Variants in TRABD2B observed in about 807,000 individuals in gnomAD.
The protein encoded by TRABD2B is TraB domain containing 2B, also known as metalloprotease TIKI2.
TRABD2B carries 14 observed loss-of-function variants against 40.1 expected under a neutral mutation model. That is an observed-to-expected ratio of 0.35 (90% CI 0.23 to 0.55). The LOEUF (loss-of-function observed/expected upper bound fraction) is 0.55. Ranked by LOEUF, TRABD2B falls within the 20% of genes least tolerant of loss-of-function variation. The pLI is 0.90. For missense variants in TRABD2B, 541 were observed against 648.6 expected, an observed-to-expected ratio of 0.83 and a Z score of 1.80; for synonymous variants, 263 against 277.0, an observed-to-expected ratio of 0.95 and a Z score of 0.50.
intron 2 of TRABD2B, among the ~76,000 whole-genome samples, chr1:47,805,272 G>A (rs1644876630): frequency 6.7e-6 from 1 of 149,208 alleles, no homozygotes; most frequent in Admixed American, 6.6e-5. Context: ...TTTTTTTTTA[G>A]AGCCTTGTGA....
At chr1:47,932,986 C>T (rs143787258) in intron 2 of TRABD2B, among the ~76,000 whole-genome samples, 41 of 152,244 alleles carry the variant, frequency 2.7e-4, no homozygotes, top group African/African-American at 9.2e-4. Context: ...TGAGTCTGAG[C>T]TTTGTAATTC....
chr1:47,956,402 C>T (rs759783613), intron 2 of TRABD2B, among the ~76,000 whole-genome samples: 23 of 152,322 alleles, frequency 1.5e-4, no homozygotes, highest in African/African-American at 2.9e-4. Context: ...TGAAGCAGGG[C>T]GGGGCATCGC....
At chr1:47,870,878 C>A (rs1354525887) in intron 2 of TRABD2B, among the ~76,000 whole-genome samples, 1 of 152,152 alleles carries the variant, frequency 6.6e-6, no homozygotes, top group Admixed American at 6.5e-5. Context: ...CTAGGCAGAT[C>A]AGACCAGGAA....
Position 47,941,694 on chromosome 1 carries a change from T to C in TRABD2B, c.666+52340A>G, listed in dbSNP as rs557318935. ...GAGGTGTGAGAAGGTACTGATGAGC[T>C]ACGCTCACTTGCCTCTGTCTCCTTG... On this transcript the variant is annotated intron_variant, in intron 2 of 6. Coordinates refer to ENST00000606738, the MANE Select transcript of TRABD2B (RefSeq NM_001194986.2). Among the ~76,000 whole-genome samples, 4 of 152,376 alleles carry C rather than the reference T, an allele frequency of 2.6e-5. No homozygotes were observed. The South Asian group carries it at 8.3e-4, about 32-fold the overall frequency.
At chr1:47,961,102 G>A (rs1471852503) in intron 2 of TRABD2B, among the ~76,000 whole-genome samples, 1 of 152,156 alleles carries the variant, frequency 6.6e-6, no homozygotes, top group Non-Finnish European at 1.5e-5. Flanking sequence ...ACAAAAACAA[G>A]AAATGGGGAA....
rs1646095871 is a variant in TRABD2B at position 47,996,606 on chromosome 1, C to T, written c.102+82G>A. Reference sequence around the variant, plus strand: ...TGGAGCGGGCGGGCTAAGGTGGGTGCGGAAGCAGGACCCAAACCATGGTCC... The same window carrying T: ...TGGAGCGGGCGGGCTAAGGTGGGTGTGGAAGCAGGACCCAAACCATGGTCC... On this transcript the variant is annotated intron_variant, in intron 1 of 6. Transcript: ENST00000606738. The surrounding 1 kb of genome is among the most constrained non-coding windows in gnomAD (Gnocchi z 4.6). 1 of 1,193,064 alleles carries T rather than the reference C, an allele frequency of 8.4e-7. No homozygotes were observed. The highest frequency in any genetic ancestry group is 3.5e-5 in the East Asian group (1 of 28,614). The allele number at this position is 1,193,064 out of a possible 1,614,324, so 73.9% of individuals were successfully genotyped here.
intron 4 of TRABD2B, among the ~76,000 whole-genome samples, chr1:47,781,858 A>T (rs1644528489): frequency 6.6e-6 from 1 of 152,116 alleles, no homozygotes; most frequent in Non-Finnish European, 1.5e-5. Context: ...ACAGCACCCC[A>T]CAGCTGGGTT....
At chr1:47,962,486 C>G (rs992245403) in intron 2 of TRABD2B, among the ~76,000 whole-genome samples, 3 of 152,174 alleles carry the variant, frequency 2.0e-5, no homozygotes, top group Non-Finnish European at 4.4e-5. Flanking sequence ...ACTGAGGTGT[C>G]CTACAGTTTG....
At chr1:47,777,344 C>T (rs748258894) in intron 5 of TRABD2B, among the ~76,000 whole-genome samples, 57 of 152,162 alleles carry the variant, frequency 3.7e-4, no homozygotes, top group Admixed American at 1.2e-3. Context: ...TGGGCCCAAA[C>T]GGTTCAGGTA....
intron 2 of TRABD2B, among the ~76,000 whole-genome samples, chr1:47,842,567 A>G (rs1477540428): frequency 6.6e-6 from 1 of 152,192 alleles, no homozygotes; most frequent in Admixed American, 6.5e-5. Context: ...AAGAAAAAGC[A>G]TGCTCTATAA....
chr1:47,959,342 A>G (rs935086879), intron 2 of TRABD2B, among the ~76,000 whole-genome samples: 2 of 152,204 alleles, frequency 1.3e-5, no homozygotes, highest in Non-Finnish European at 2.9e-5. Flanking sequence ...AGCCAGCAGA[A>G]GGCAAGAAAT....
At position 47,996,682 on chromosome 1, in the gene TRABD2B, G is replaced by A; in HGVS notation, c.102+6C>T. 2 of 1,229,124 alleles carry A rather than the reference G, an allele frequency of 1.6e-6. No homozygotes were observed. Among genetic ancestry groups the A allele is most frequent in the East Asian group, 3.2e-5 (1 of 31,300 alleles). The allele number at this position is 1,229,124 out of a possible 1,614,324, so 76.1% of individuals were successfully genotyped here. A position where few individuals can be genotyped will look rare whatever the true frequency, so the allele number is the denominator to read the frequency against. The stretch of plus-strand genomic sequence containing the variant: ...CGGGAGAGTGGCCGGGCAGGCGCTC[G>A]CTCACCGATCCGGGCGGCCGGCACT... On this transcript the variant is annotated splice_donor_region_variant and intron_variant, in intron 1 of 6. Coordinates refer to ENST00000606738, the MANE Select transcript of TRABD2B (RefSeq NM_001194986.2). This position sits in a 1 kb window ranked among gnomAD's most constrained non-coding sequence, Gnocchi z 4.6.
At chr1:47,988,915 C>T (rs562911356) in intron 2 of TRABD2B, among the ~76,000 whole-genome samples, 1 of 152,260 alleles carries the variant, frequency 6.6e-6, no homozygotes, top group Admixed American at 6.5e-5. Context: ...ATGTATGTGT[C>T]CCTCCAAAAT....
At chr1:47,909,212 T>C (rs1376518806) in intron 2 of TRABD2B, among the ~76,000 whole-genome samples, 1 of 152,212 alleles carries the variant, frequency 6.6e-6, no homozygotes. Flanking sequence ...CTGTTTTGCA[T>C]TGCTATAAAA....
At chr1:47,865,696 A>G (rs867341790) in intron 2 of TRABD2B, among the ~76,000 whole-genome samples, 7 of 152,170 alleles carry the variant, frequency 4.6e-5, no homozygotes, top group Middle Eastern at 3.4e-3. Flanking sequence ...AAGGGTTTAG[A>G]CCTGCAGGTT....
chr1:47,850,982 A>ATG (rs1197159290), intron 2 of TRABD2B, among the ~76,000 whole-genome samples: 5 of 152,176 alleles, frequency 3.3e-5, no homozygotes, highest in Non-Finnish European at 7.3e-5. Context: ...TGAGAATCTA[A>ATG]TGCCACCGCT....
chr1:47,797,551 T>TG (rs1374744542), intron 3 of TRABD2B, among the ~76,000 whole-genome samples: 2 of 152,072 alleles, frequency 1.3e-5, no homozygotes, highest in Non-Finnish European at 2.9e-5. Context: ...ATTTGTTAAT[T>TG]GGGGAGTCAA....
At chr1:47,866,759 C>T (rs1644063776) in intron 2 of TRABD2B, among the ~76,000 whole-genome samples, 1 of 152,110 alleles carries the variant, frequency 6.6e-6, no homozygotes, top group Admixed American at 6.5e-5. Context: ...GGTTGTGCTC[C>T]CCCTTGGACC....
chr1:47,912,174 C>A (rs577125526), intron 2 of TRABD2B, among the ~76,000 whole-genome samples: 11 of 152,184 alleles, frequency 7.2e-5, no homozygotes, highest in Non-Finnish European at 1.0e-4. Flanking sequence ...GAGCAACAGG[C>A]ATTTCTGAGC....
Sources: gnomAD v4.1 joint callset for allele counts (sites outside exome capture counted in the v4.1 genomes callset) on GRCh38, gnomAD v4.1.1 for gene constraint, Gnocchi (gnomAD v3.1) non-coding constraint, MANE v1.5 for transcripts, NCBI Gene and HGNC (gene_info 2026-07-23, HGNC 2026-07-21) for gene names.